Variants in APBA2 observed in about 807,000 individuals in gnomAD.
APBA2 encodes amyloid beta precursor protein binding family A member 2.
A neutral mutation model predicts 75.0 loss-of-function variants in APBA2; 30 were observed. The ratio of observed to expected loss-of-function variants is 0.40; its 90% CI spans 0.30 to 0.54. The LOEUF is 0.54. Among genes scored for constraint, APBA2 ranks in the 20% least tolerant of loss-of-function variants. The pLI is 0.49. For synonymous variants in APBA2, 444 were observed against 409.6 expected (o/e 1.08, Z -1.01); for missense variants, 801 against 1,016.1 (o/e 0.79, Z 2.88).
chr15:29,007,581 T>C (rs935740991), intron 3 of APBA2, among the ~76,000 whole-genome samples: 5 of 152,138 alleles, frequency 3.3e-5, no homozygotes, highest in African/African-American at 9.7e-5. Context: ...GAATAAACAT[T>C]TCTCCACAGA....
At chr15:29,047,254 G>A (rs35615406) in intron 3 of APBA2, among the ~76,000 whole-genome samples, 30,335 of 152,168 alleles carry the variant, frequency 0.2, 3,151 homozygotes, top group Middle Eastern at 0.29. Context: ...CTTCTGGGTA[G>A]CTGCTGTGGG....
At chr15:28,940,153 G>A (rs1372427613) in intron 2 of APBA2, among the ~76,000 whole-genome samples, 1 of 152,010 alleles carries the variant, frequency 6.6e-6, no homozygotes, top group Non-Finnish European at 1.5e-5. Context: ...TAACTCTGAG[G>A]ACCTTGACCA....
Position 29,106,643 on chromosome 15 carries a change from G to T in APBA2, c.1741G>T (p.Val581Leu). 3 of 1,613,060 alleles carry T rather than the reference G, an allele frequency of 1.9e-6. No homozygotes were observed. Among genetic ancestry groups the T allele is most frequent in the South Asian group, 1.1e-5 (1 of 91,078 alleles). The change falls in exon 12 of 15, where the codon GTG becomes TTG. Residue 581 changes from valine to leucine, a missense_variant. Val to Leu is a conservative substitution (Grantham distance 32, BLOSUM62 1). Around this residue, in one of 2 missense-constraint regions of APBA2, gnomAD observed 367 missense variants for 544.5 expected, o/e 0.67. Coordinates refer to ENST00000683413, the MANE Select transcript of APBA2 (RefSeq NM_001353788.2). ...LEKHKGEILG[V>L]VVVESGWGSI... ...GAAGCACAAGGGCGAGATCCTGGGC[G>T]TGGTGGTGGTGGAGTCGGGCTGGGG...
chr15:28,947,420 C>G (rs116591732), intron 2 of APBA2, among the ~76,000 whole-genome samples: 1 of 152,172 alleles, frequency 6.6e-6, no homozygotes, highest in Non-Finnish European at 1.5e-5. Flanking sequence ...TGCGTTCTCT[C>G]GGCTTCTTTT....
intron 6 of APBA2, among the ~76,000 whole-genome samples, chr15:29,079,132 T>C (rs376651536): frequency 6.6e-6 from 1 of 152,164 alleles, no homozygotes; most frequent in East Asian, 1.9e-4. Flanking sequence ...CTGGAAGCTA[T>C]GCCCCACCCA....
intron 1 of APBA2, among the ~76,000 whole-genome samples, chr15:28,893,051 G>A (rs1480488585): frequency 2.0e-5 from 3 of 152,240 alleles, no homozygotes; most frequent in Non-Finnish European, 2.9e-5. Context: ...TCCGGAGCTG[G>A]TGGCAGCTGT....
At chr15:28,901,066 A>G (rs1345705949) in intron 1 of APBA2, among the ~76,000 whole-genome samples, 1 of 152,100 alleles carries the variant, frequency 6.6e-6, no homozygotes, top group Non-Finnish European at 1.5e-5. Flanking sequence ...TACCAAGCCC[A>G]GCACTGTTCC....
At position 29,054,574 on chromosome 15, in the gene APBA2, G is replaced by A. The variant is rs1427416466; in HGVS notation, c.690G>A (p.Val230=). ...AGGAGGAGGACATTGACCAGATCGTGGCAGAGATCAAGATGAGTCTGAGCA... is the reference window on the plus strand; with the variant it reads ...AGGAGGAGGACATTGACCAGATCGTAGCAGAGATCAAGATGAGTCTGAGCA... The part of the protein sequence containing the change: ...EDQEEDIDQI[V]AEIKMSLSMT... The change falls in exon 4 of 15, where the codon GTG becomes GTA. Residue 230 remains valine (V), a synonymous_variant. Transcript: ENST00000683413. This position sits in a 1 kb window ranked among gnomAD's most constrained non-coding sequence, Gnocchi z 6.1. The A allele has an allele frequency of 6.2e-7, 1 of 1,614,038 alleles. No homozygotes were observed. Among genetic ancestry groups the A allele is most frequent in the South Asian group, 1.1e-5 (1 of 91,038 alleles).
At chr15:29,114,490 A>G (rs1022879684) in intron 14 of APBA2, among the ~76,000 whole-genome samples, 13 of 152,064 alleles carry the variant, frequency 8.5e-5, no homozygotes, top group Non-Finnish European at 1.2e-4. Flanking sequence ...CAGAGCTCAC[A>G]AGGAGGCAGG....
chr15:29,036,683 A>G (rs2040769805), intron 3 of APBA2, among the ~76,000 whole-genome samples: 1 of 152,212 alleles, frequency 6.6e-6, no homozygotes, highest in African/African-American at 2.4e-5. Context: ...TGAACACCCC[A>G]GAGTTCCCTG....
intron 6 of APBA2, among the ~76,000 whole-genome samples, chr15:29,079,447 G>A (rs1341127278): frequency 1.3e-5 from 2 of 152,318 alleles, no homozygotes; most frequent in East Asian, 1.9e-4. Context: ...ACCTTACTTA[G>A]AAGACCCAGA....
intron 3 of APBA2, among the ~76,000 whole-genome samples, chr15:29,025,687 C>T (rs185739870): frequency 6.6e-6 from 1 of 151,414 alleles, no homozygotes; most frequent in Admixed American, 6.6e-5. Flanking sequence ...CGTGGTGGCT[C>T]ACGCCTATAA....
At chr15:29,033,964 C>CA (rs34808408) in intron 3 of APBA2, among the ~76,000 whole-genome samples, 7,306 of 39,236 alleles carry the variant, frequency 0.19, 951 homozygotes, top group African/African-American at 0.3. Flanking sequence ...GACTCCATCT[C>CA]AAAAAAAAAA....
intron 2 of APBA2, among the ~76,000 whole-genome samples, chr15:28,944,116 A>G (rs111352939): frequency 0.022 from 3,309 of 152,314 alleles, 126 homozygotes; most frequent in African/African-American, 0.076. Flanking sequence ...CCAGCAGCAC[A>G]TGTGACTGAG....
intron 2 of APBA2, among the ~76,000 whole-genome samples, chr15:28,988,467 T>C (rs1207254425): frequency 6.6e-6 from 1 of 152,192 alleles, no homozygotes; most frequent in Admixed American, 6.5e-5. Flanking sequence ...TTTCGCCATG[T>C]TGGCCAGGCT....
chr15:29,114,133 G>C lies in APBA2; in HGVS notation c.2178+117G>C, dbSNP rs1596013192. ...GGCATCTGAAGGTCAGCCAGGCTGT[G>C]TCTCCCATCGGGGCTGCTGTGACAA... On this transcript the variant is annotated intron_variant, in intron 14 of 14. Coordinates refer to ENST00000683413, the MANE Select transcript of APBA2 (RefSeq NM_001353788.2). 4.8e-6 allele frequency: 7 copies of C among 1,452,752 alleles called. No homozygotes were observed. The East Asian group carries it at 7.0e-5, about 14-fold the overall frequency. The allele number at this position is 1,452,752 out of a possible 1,614,324, so 90.0% of individuals were successfully genotyped here. A position where few individuals can be genotyped will look rare whatever the true frequency, so the allele number is the denominator to read the frequency against.
rs538481353 is a variant in APBA2, at chr15:28,894,820, G to A, written c.-205+8542G>A. 4.6e-5 allele frequency among the ~76,000 whole-genome samples: 7 copies of A among 151,862 alleles called. 1 individual carries two copies. Among genetic ancestry groups the A allele is most frequent in the Admixed American group, 3.9e-4 (6 of 15,276 alleles). ...GACGCCGTTAGGGGCATGTTCAGGG[G>A]TGCATCTAGAGGCGAGGGGAGGGTG... On this transcript the variant is annotated intron_variant, in intron 1 of 14. Transcript: ENST00000683413.
chr15:28,986,458 G>C (rs2037933903), intron 2 of APBA2, among the ~76,000 whole-genome samples: 1 of 152,116 alleles, frequency 6.6e-6, no homozygotes. Flanking sequence ...TACTTAGCAG[G>C]TCACTACTGT....
At chr15:28,957,136 A>C (rs59917932) in intron 2 of APBA2, among the ~76,000 whole-genome samples, 2 of 151,746 alleles carry the variant, frequency 1.3e-5, no homozygotes, top group Non-Finnish European at 2.9e-5. Context: ...GCAGTGGTGC[A>C]ATCTCAGCTC....
Sources: gnomAD v4.1 joint callset for allele counts (sites outside exome capture counted in the v4.1 genomes callset) on GRCh38, gnomAD v4.1.1 for gene constraint, gnomAD v4.1.1 regional missense constraint, Gnocchi (gnomAD v3.1) non-coding constraint, MANE v1.5 for transcripts, NCBI Gene and HGNC (gene_info 2026-07-23, HGNC 2026-07-21) for gene names.